SMG5: variants seen among roughly 807,000 people sequenced by gnomAD.
The protein encoded by SMG5 is SMG5 nonsense mediated mRNA decay factor.
A neutral mutation model predicts 122.9 loss-of-function variants in SMG5; 53 were observed. The observed-to-expected ratio is 0.43, with a 90% CI of 0.35 to 0.54. The LOEUF is 0.54. SMG5 is among the 20% of genes least tolerant of loss of function. The pLI is 0.01. For missense variants in SMG5, 1,153 were observed against 1,285.6 expected, an observed-to-expected ratio of 0.90 and a Z score of 1.58; for synonymous variants, 477 against 490.2, an observed-to-expected ratio of 0.97 and a Z score of 0.35.
upstream of SMG5, chr1:156,286,528 G>A (rs1366981930): frequency 6.4e-7 from 1 of 1,574,248 alleles, no homozygotes; most frequent in Non-Finnish European, 8.7e-7. Flanking sequence ...AGAGAACCTA[G>A]GCATCTGAAT....
intron 13 of SMG5, among the ~76,000 whole-genome samples, chr1:156,262,520 A>T (rs1171296427): frequency 6.6e-6 from 1 of 151,548 alleles, no homozygotes; most frequent in Non-Finnish European, 1.5e-5. Flanking sequence ...CGAAACCACA[A>T]GGACTTTCTG....
At chr1:156,272,916 G>A (rs1047873332) in intron 6 of SMG5, among the ~76,000 whole-genome samples, 11 of 152,122 alleles carry the variant, frequency 7.2e-5, no homozygotes, top group African/African-American at 2.4e-4. Flanking sequence ...TGTGACAGGC[G>A]TTACCTGAAT....
Position 156,266,009 on chromosome 1 carries a change from G to A in SMG5, c.1627C>T (p.Arg543Trp), listed in dbSNP as rs34377219. Residue 543 changes from arginine to tryptophan, a missense_variant, in exon 12 of 22, where the codon CGG becomes TGG. This residue lies in a region of SMG5 where 631 missense variants were observed against 650.6 expected (regional missense o/e 0.97). Transcript: ENST00000361813. Reference protein sequence around the residue: ...GTRSPTLEPPRGRSEAPDSLN... With the variant: ...GTRSPTLEPPWGRSEAPDSLN... ...GAATCGGGAGCCTCTGATCTGCCCC[G>A]AGGGGGCTCCAGGGTTGGTGACCGT... The A allele has an allele frequency of 7.1e-3, 11,449 of 1,614,182 alleles. 55 individuals carry two copies. The highest frequency in any genetic ancestry group is 0.023 in the Middle Eastern group (139 of 6,062).
intron 7 of SMG5, among the ~76,000 whole-genome samples, chr1:156,269,736 G>A (rs1399479775): frequency 1.3e-5 from 2 of 152,272 alleles, no homozygotes; most frequent in African/African-American, 2.4e-5. Context: ...TTAGCCGGGC[G>A]TGTTGGCAGG....
intron 5 of SMG5, among the ~76,000 whole-genome samples, chr1:156,274,115 C>T (rs1662570581): frequency 6.6e-6 from 1 of 152,140 alleles, no homozygotes; most frequent in African/African-American, 2.4e-5. Context: ...CAGCCACACA[C>T]CAGCAGCCTA....
At chr1:156,261,441 C>T in intron 13 of SMG5, 33 bp from the exon 14 acceptor site, 1 of 1,580,822 alleles carries the variant, frequency 6.3e-7, no homozygotes, top group Middle Eastern at 1.7e-4. Flanking sequence ...AGGCCTTCAG[C>T]TAGAGACAGT....
intron 4 of SMG5, among the ~76,000 whole-genome samples, chr1:156,275,949 G>C (rs923474607): frequency 1.3e-5 from 2 of 151,826 alleles, no homozygotes; most frequent in Admixed American, 6.6e-5. Context: ...CATGTAGCTA[G>C]GACAACATGC....
the SMG5 span, among the ~76,000 whole-genome samples, chr1:156,289,404 C>T: frequency 1.3e-5 from 2 of 152,114 alleles, no homozygotes; most frequent in Admixed American, 6.5e-5. Context: ...GTCAGGAGAT[C>T]GAGACCATCC....
chr1:156,283,154 C>T, upstream of SMG5: 1 of 274,822 alleles, frequency 3.6e-6, no homozygotes. Flanking sequence ...CCCGTTTGAG[C>T]CAAGCCTCTT....
chr1:156,250,500 TG>T lies in SMG5; in HGVS notation c.*86del. ...TGTGCGTGCATGAGTCTGCGTGTGG[TG>T]GGGTGACTACAGGTGCTGGTCCTGG... On this transcript the variant is annotated 3_prime_UTR_variant, in exon 22 of 22. Transcript: ENST00000361813. 8.7e-7 allele frequency: 1 copy of T among 1,154,280 alleles called. No homozygotes were observed. Among genetic ancestry groups the T allele is most frequent in the Non-Finnish European group, 1.3e-6 (1 of 765,744 alleles). The allele number at this position is 1,154,280 out of a possible 1,614,324, so 71.5% of individuals were successfully genotyped here.
intron 16 of SMG5, among the ~76,000 whole-genome samples, chr1:156,256,830 CAT>C (rs897300237): frequency 3.2e-4 from 49 of 152,208 alleles, no homozygotes; most frequent in African/African-American, 1.2e-3. Flanking sequence ...ATAAGAAATC[CAT>C]AGTGTGTCCA....
At position 156,277,161 on chromosome 1, in the gene SMG5, A is replaced by G; in HGVS notation, c.378T>C (p.Leu126=). The G allele has an allele frequency of 1.2e-6, 2 of 1,614,006 alleles. No homozygotes were observed. Among genetic ancestry groups the G allele is most frequent in the East Asian group, 2.2e-5 (1 of 44,890 alleles). Residue 126 remains leucine, a synonymous_variant, in exon 4 of 22, where the codon CTT becomes CTC. Transcript: ENST00000361813. ...GCTGGTAGTGGGACTGGATATAGAG[A>G]AGGAGATGCTGGTAGAAGCCAATAC... The part of the protein sequence containing the change: ...VAGIGFYQHL[L]LYIQSHYQLE...
At position 156,267,437 on chromosome 1, in the gene SMG5, T is replaced by A; in HGVS notation, c.1117+33A>T. 3 of 1,605,212 alleles carry A rather than the reference T, an allele frequency of 1.9e-6. No homozygotes were observed. In the South Asian group the frequency reaches 3.3e-5, roughly 18 times the overall value. On this transcript the variant is annotated intron_variant, in intron 10 of 21. Transcript: ENST00000361813. Reference sequence around the variant, plus strand: ...GGGGAGTGAGGATCCCCAAAGCCAGTGGAAGAGAAAAGAGGAACATAGGGA... The same window carrying A: ...GGGGAGTGAGGATCCCCAAAGCCAGAGGAAGAGAAAAGAGGAACATAGGGA...
In SMG5 at chr1:156,252,883, T is replaced by C. The variant is rs144716824; in HGVS notation, c.2662+36A>G. 5.1e-4 allele frequency: 769 copies of C among 1,505,850 alleles called. 1 individual carries two copies. The African/African-American group carries it at 9.1e-3, about 18-fold the overall frequency. 93.3% of individuals were successfully genotyped at this position (1,505,850 alleles called of 1,614,324 possible). A position where few individuals can be genotyped will look rare whatever the true frequency, so the allele number is the denominator to read the frequency against. Reference sequence around the variant, plus strand: ...ATCCCAAGCCCAGAATCTCTTTTAGTCATACTCTGTCTCCTTACCTCTCCA... The same window carrying C: ...ATCCCAAGCCCAGAATCTCTTTTAGCCATACTCTGTCTCCTTACCTCTCCA... On this transcript the variant is annotated intron_variant, in intron 18 of 21. Coordinates refer to ENST00000361813, the MANE Select transcript of SMG5 (RefSeq NM_015327.3).
chr1:156,276,826 T>G (rs1265204800), intron 4 of SMG5, among the ~76,000 whole-genome samples: 1 of 152,196 alleles, frequency 6.6e-6, no homozygotes, highest in Non-Finnish European at 1.5e-5. Context: ...AATACCACCT[T>G]CCAGTGCCAG....
chr1:156,278,089 T>G (rs774941910), intron 2 of SMG5, 41 bp from the exon 3 acceptor site: 19 of 1,609,716 alleles, frequency 1.2e-5, no homozygotes, highest in Admixed American at 1.2e-4. Flanking sequence ...AGCCCATCCC[T>G]TGGAGCAGGG....
chr1:156,267,573 C>T lies in SMG5; in HGVS notation c.1014G>A (p.Glu338=), dbSNP rs138984099. ...PSSPNLSLAS[E]DEEEYESGYA... is the part of the protein sequence containing the mutation. ...ATCCACTCTCATACTCCTCCTCATC[C>T]TCACTGGCCAGGCTGAGGTTGGGTG... Residue 338 remains glutamate, a synonymous_variant, in exon 10 of 22, where the codon GAG becomes GAA. Coordinates refer to ENST00000361813, the MANE Select transcript of SMG5 (RefSeq NM_015327.3). The T allele has an allele frequency of 2.1e-4, 335 of 1,614,072 alleles. 2 individuals are homozygous for T. Among genetic ancestry groups the T allele is most frequent in the African/African-American group, 2.0e-3 (149 of 74,994 alleles).
intron 6 of SMG5, 132 bp from the exon 7 acceptor site, chr1:156,272,530 G>C: frequency 2.9e-6 from 2 of 680,228 alleles, no homozygotes; most frequent in Admixed American, 2.5e-5. Context: ...GGTTGTCTCA[G>C]GTGATTAGCA....
intron 4 of SMG5, among the ~76,000 whole-genome samples, chr1:156,276,590 T>C (rs757676737): frequency 6.6e-6 from 1 of 152,152 alleles, no homozygotes; most frequent in Non-Finnish European, 1.5e-5. Context: ...CTCTAAAGGA[T>C]GGCTGAACTG....
Sources: gnomAD v4.1 joint callset for allele counts (sites outside exome capture counted in the v4.1 genomes callset) on GRCh38, gnomAD v4.1.1 for gene constraint, gnomAD v4.1.1 regional missense constraint, MANE v1.5 for transcripts, NCBI Gene and HGNC (gene_info 2026-07-23, HGNC 2026-07-21) for gene names.